Variants in GRB10 observed in about 807,000 individuals in gnomAD.
GRB10 encodes growth factor receptor-bound protein 10.
A neutral mutation model predicts 80.9 loss-of-function variants in GRB10; 20 were observed. The ratio of observed to expected loss-of-function variants is 0.25; its 90% CI spans 0.17 to 0.36. The LOEUF (loss-of-function observed/expected upper bound fraction) is 0.36, where lower values mean the gene tolerates loss of function less well. Ranked by LOEUF, GRB10 falls within the 10% of genes least tolerant of loss-of-function variation. The pLI, the probability that GRB10 is intolerant of heterozygous loss-of-function variation, is 1.00. For synonymous variants in GRB10, 291 were observed against 291.5 expected (o/e 1.00, Z 0.02); for missense variants, 548 against 747.7 (o/e 0.73, Z 3.12).
At chr7:50,714,730 C>T (rs2066568654) in intron 4 of GRB10, among the ~76,000 whole-genome samples, 1 of 151,860 alleles carries the variant, frequency 6.6e-6, no homozygotes, top group Non-Finnish European at 1.5e-5. Context: ...GTGCACAAAG[C>T]CATTGCAATT....
At chr7:50,643,438 C>T (rs760205740) in intron 7 of GRB10, among the ~76,000 whole-genome samples, 26 of 152,042 alleles carry the variant, frequency 1.7e-4, no homozygotes, top group Non-Finnish European at 3.5e-4. Context: ...AAATCCCATC[C>T]GTCACGACAG....
rs2045799754 is a variant in GRB10, at chr7:50,591,114, G to T, written c.*1838C>A. 6.6e-6 allele frequency: 1 copy of T among 152,260 alleles called. No homozygotes were observed. Among genetic ancestry groups the T allele is most frequent in the South Asian group, 2.1e-4 (1 of 4,838 alleles). The allele number at this position is 152,260 out of a possible 1,614,324, so 9.4% of individuals were successfully genotyped here. A position where few individuals can be genotyped will look rare whatever the true frequency, so the allele number is the denominator to read the frequency against. ...AGCCTGCCACCAGGTGTGAACGTGA[G>T]AATTATCTTACTGTCAATAGTTTGA... On this transcript the variant is annotated 3_prime_UTR_variant, in exon 19 of 19. Transcript: ENST00000401949.
intron 6 of GRB10, among the ~76,000 whole-genome samples, chr7:50,670,909 C>G (rs1364503050): frequency 6.6e-6 from 1 of 152,200 alleles, no homozygotes; most frequent in Non-Finnish European, 1.5e-5. Context: ...AATCCACACA[C>G]CACCTCTACT....
chr7:50,663,481 G>C (rs1010973344), intron 7 of GRB10, among the ~76,000 whole-genome samples: 1 of 152,186 alleles, frequency 6.6e-6, no homozygotes, highest in African/African-American at 2.4e-5. Flanking sequence ...CATGTGACTA[G>C]GGTCCTTCTC....
chr7:50,635,561 C>CGAAACAAA (rs1586078659), intron 7 of GRB10, among the ~76,000 whole-genome samples: 2 of 151,018 alleles, frequency 1.3e-5, no homozygotes, highest in East Asian at 3.9e-4. Context: ...AAAAACAAAA[C>CGAAACAAA]AAAACAAAAA....
intron 7 of GRB10, among the ~76,000 whole-genome samples, chr7:50,663,125 T>A (rs1037358588): frequency 6.6e-6 from 1 of 152,120 alleles, no homozygotes; most frequent in Non-Finnish European, 1.5e-5. Flanking sequence ...AGAGCTGACA[T>A]GGAGATAAAG....
At chr7:50,739,247 C>T (rs2071323489) in intron 3 of GRB10, among the ~76,000 whole-genome samples, 1 of 152,170 alleles carries the variant, frequency 6.6e-6, no homozygotes, top group African/African-American at 2.4e-5. Flanking sequence ...CTGTCATAAA[C>T]TTCAAAAATG....
intron 2 of GRB10, among the ~76,000 whole-genome samples, chr7:50,756,657 C>A: frequency 6.6e-6 from 1 of 152,160 alleles, no homozygotes. Context: ...AGGCGCAGAG[C>A]CCTCAGTTCA....
chr7:50,779,673 GAAC>G (rs1317980866), intron 2 of GRB10: 1 of 152,170 alleles, frequency 6.6e-6, no homozygotes, highest in East Asian at 1.9e-4. Context: ...CTTGAGTGCT[GAAC>G]AACTGCTCAG....
chr7:50,709,419 G>A (rs1368985569), intron 4 of GRB10, among the ~76,000 whole-genome samples: 1 of 152,216 alleles, frequency 6.6e-6, no homozygotes, highest in African/African-American at 2.4e-5. Flanking sequence ...CATGGCCCGG[G>A]AGGCCAGCTG....
At chr7:50,775,506 G>A (rs1256544743) in intron 2 of GRB10, among the ~76,000 whole-genome samples, 3 of 152,182 alleles carry the variant, frequency 2.0e-5, no homozygotes, top group African/African-American at 7.2e-5. Context: ...AGGCTCTCGA[G>A]GGCAGCCCCA....
intron 5 of GRB10, among the ~76,000 whole-genome samples, chr7:50,692,254 C>G (rs2153659185): frequency 6.6e-6 from 1 of 152,168 alleles, no homozygotes; most frequent in South Asian, 2.1e-4. Flanking sequence ...TTGGCATTTG[C>G]AGGAGGTTCC....
chr7:50,719,025 C>T (rs1161067650), intron 4 of GRB10, among the ~76,000 whole-genome samples: 1 of 152,166 alleles, frequency 6.6e-6, no homozygotes, highest in Non-Finnish European at 1.5e-5. Flanking sequence ...TACTCTATGC[C>T]CAGCACATGA....
rs536301845 is a variant in GRB10 at position 50,770,679 on chromosome 7, G to A, written c.-217+9948C>T. ...AGCATAAGACTGATTGCAGGTGGCA[G>A]GGGGATGGGGGGATCCAACTACCTT... On this transcript the variant is annotated intron_variant, in intron 2 of 18. Coordinates refer to ENST00000401949, the MANE Select transcript of GRB10 (RefSeq NM_001350814.2). Among the ~76,000 whole-genome samples, 47 of 152,330 alleles carry A rather than the reference G, an allele frequency of 3.1e-4. No individual in the cohort carries two copies. The South Asian group carries it at 8.3e-3, about 27-fold the overall frequency.
chr7:50,786,277 T>A (rs2078691317), upstream of GRB10, among the ~76,000 whole-genome samples: 1 of 151,904 alleles, frequency 6.6e-6, no homozygotes, highest in African/African-American at 2.4e-5. Context: ...ATAACTGCCA[T>A]CCTAGAAAGA....
chr7:50,645,108 T>C (rs1467702901), intron 7 of GRB10, among the ~76,000 whole-genome samples: 1 of 152,222 alleles, frequency 6.6e-6, no homozygotes, highest in Non-Finnish European at 1.5e-5. Flanking sequence ...AGAAAATGTA[T>C]TTGAAGATAA....
At chr7:50,692,629 G>A (rs1189820439) in intron 5 of GRB10, among the ~76,000 whole-genome samples, 1 of 152,118 alleles carries the variant, frequency 6.6e-6, no homozygotes, top group Non-Finnish European at 1.5e-5. Flanking sequence ...TTGCATGTGA[G>A]TTCAGGAATT....
At chr7:50,652,557 T>C (rs1348570293) in intron 7 of GRB10, among the ~76,000 whole-genome samples, 3 of 152,124 alleles carry the variant, frequency 2.0e-5, no homozygotes, top group Non-Finnish European at 4.4e-5. Context: ...GAGATGGCCA[T>C]ACAGCGTCAC....
intron 4 of GRB10, among the ~76,000 whole-genome samples, chr7:50,719,030 A>C (rs946882770): frequency 6.6e-6 from 1 of 152,258 alleles, no homozygotes; most frequent in African/African-American, 2.4e-5. Flanking sequence ...TATGCCCAGC[A>C]CATGAGTGTT....
Sources: gnomAD v4.1 joint callset for allele counts (sites outside exome capture counted in the v4.1 genomes callset) on GRCh38, gnomAD v4.1.1 for gene constraint, MANE v1.5 for transcripts, NCBI Gene and HGNC (gene_info 2026-07-23, HGNC 2026-07-21) for gene names.